The following ADAM23 variants were observed in gnomAD, a reference collection of about 807,000 sequenced individuals.
ADAM23 encodes the protein ADAM metallopeptidase domain 23.
A neutral mutation model predicts 120.1 loss-of-function variants in ADAM23; 33 were observed. The observed-to-expected ratio is 0.27, with a 90% CI of 0.21 to 0.37. The LOEUF (loss-of-function observed/expected upper bound fraction) is 0.37. Ranked by LOEUF, ADAM23 falls within the 10% of genes least tolerant of loss-of-function variation. The pLI is 1.00. For missense variants in ADAM23, 862 were observed against 1,058.2 expected (o/e 0.81, Z 2.57); for synonymous variants, 367 against 375.2 (o/e 0.98, Z 0.25).
intron 21 of ADAM23, 80 bp from the exon 22 acceptor site, chr2:206,592,537 T>G: frequency 4.0e-6 from 6 of 1,502,116 alleles, no homozygotes; most frequent in Non-Finnish European, 5.4e-6. Flanking sequence ...AAAATTTGAA[T>G]CAATGTGGAC....
intron 2 of ADAM23, among the ~76,000 whole-genome samples, chr2:206,448,904 C>T (rs1023831586): frequency 6.6e-6 from 1 of 152,178 alleles, no homozygotes; most frequent in African/African-American, 2.4e-5. Context: ...CTGTGAACCG[C>T]TCTAGCAAAT....
At chr2:206,575,180 C>A (rs1220046619) in intron 18 of ADAM23, among the ~76,000 whole-genome samples, 1 of 152,204 alleles carries the variant, frequency 6.6e-6, no homozygotes, top group East Asian at 1.9e-4. Flanking sequence ...AGAAGCTTAA[C>A]TTCTCCATGA....
chr2:206,604,438 T>C (rs1698695300), intron 24 of ADAM23, among the ~76,000 whole-genome samples: 1 of 152,108 alleles, frequency 6.6e-6, no homozygotes, highest in African/African-American at 2.4e-5. Context: ...TCAGGTGGTT[T>C]TGAGTTCTAA....
chr2:206,517,097 G>T (rs953392047), intron 3 of ADAM23, among the ~76,000 whole-genome samples: 1 of 152,134 alleles, frequency 6.6e-6, no homozygotes, highest in African/African-American at 2.4e-5. Context: ...ACACACGTAT[G>T]CACTTTCTTT....
At chr2:206,596,751 C>G (rs1200383909) in intron 24 of ADAM23, among the ~76,000 whole-genome samples, 1 of 152,148 alleles carries the variant, frequency 6.6e-6, no homozygotes, top group African/African-American at 2.4e-5. Context: ...TAGGACCACT[C>G]TCTATTTTCG....
chr2:206,561,484 T>C (rs1697764343), intron 12 of ADAM23, among the ~76,000 whole-genome samples: 1 of 152,214 alleles, frequency 6.6e-6, no homozygotes, highest in Admixed American at 6.5e-5. Context: ...GATGTTAAGC[T>C]TTTATAAGCT....
At chr2:206,599,310 A>G (rs1285953539) in intron 24 of ADAM23, among the ~76,000 whole-genome samples, 4 of 151,690 alleles carry the variant, frequency 2.6e-5, no homozygotes, top group South Asian at 2.1e-4. Flanking sequence ...AAAGTTATCT[A>G]TTGGTTCTAA....
At chr2:206,564,026 G>A (rs765672984) in intron 13 of ADAM23, among the ~76,000 whole-genome samples, 3 of 151,908 alleles carry the variant, frequency 2.0e-5, no homozygotes, top group Non-Finnish European at 4.4e-5. Flanking sequence ...CACTGCGCCC[G>A]GCCTAAAATT....
At chr2:206,564,746 C>T (rs1450037785) in intron 13 of ADAM23, among the ~76,000 whole-genome samples, 1 of 152,136 alleles carries the variant, frequency 6.6e-6, no homozygotes, top group African/African-American at 2.4e-5. Flanking sequence ...AACTAGGAAC[C>T]AAATTGAGTT....
chr2:206,477,922 A>ATATATATATATATATAT (rs1491552690), intron 2 of ADAM23, among the ~76,000 whole-genome samples: 5 of 137,084 alleles, frequency 3.6e-5, no homozygotes, highest in African/African-American at 5.5e-5. Context: ...ATATATATAT[A>ATATATATATATATATAT]AAACAACAAT....
intron 3 of ADAM23, among the ~76,000 whole-genome samples, chr2:206,525,709 A>T (rs1363438376): frequency 2.0e-5 from 3 of 151,996 alleles, no homozygotes; most frequent in Admixed American, 6.6e-5. Context: ...CTCCTGCCTC[A>T]GCCTCCTGAG....
chr2:206,481,984 T>C, intron 3 of ADAM23, among the ~76,000 whole-genome samples: 1 of 152,216 alleles, frequency 6.6e-6, no homozygotes. Flanking sequence ...AGATTTTCTA[T>C]GTGGTTTTCT....
chr2:206,589,886 A>T (rs1172824297), intron 21 of ADAM23, among the ~76,000 whole-genome samples: 3 of 152,180 alleles, frequency 2.0e-5, no homozygotes, highest in African/African-American at 7.2e-5. Context: ...TTAAATGCAA[A>T]CTATATAGAC....
intron 4 of ADAM23, among the ~76,000 whole-genome samples, chr2:206,540,646 A>G (rs1182092325): frequency 6.6e-6 from 1 of 152,128 alleles, no homozygotes; most frequent in Non-Finnish European, 1.5e-5. Flanking sequence ...TGAGCTTTTC[A>G]TGCTCTGCTA....
chr2:206,497,883 T>C (rs1398966132), intron 3 of ADAM23, among the ~76,000 whole-genome samples: 2 of 152,122 alleles, frequency 1.3e-5, no homozygotes, highest in Non-Finnish European at 2.9e-5. Flanking sequence ...AGCCAAATCA[T>C]GAGTGAACTC....
At chr2:206,450,754 G>A (rs1197745635) in intron 2 of ADAM23, among the ~76,000 whole-genome samples, 1 of 152,164 alleles carries the variant, frequency 6.6e-6, no homozygotes, top group Non-Finnish European at 1.5e-5. Flanking sequence ...TATTTTTATG[G>A]TGGAGCAAGA....
At chr2:206,537,581 C>T (rs1189741870) in intron 4 of ADAM23, among the ~76,000 whole-genome samples, 2 of 152,076 alleles carry the variant, frequency 1.3e-5, no homozygotes, top group Non-Finnish European at 2.9e-5. Context: ...CTCATTCCCT[C>T]TTCTTTTAGT....
rs369077180 is a variant in ADAM23, at chr2:206,598,296, C to T, written c.2359+2134C>T. ...ATGAGCAGAGCTAAATTTACTTAGA[C>T]TCTGCCTTTTTTTCTTTAAGTAGAG... is the stretch of plus-strand genomic sequence containing the variant. On this transcript the variant is annotated intron_variant, in intron 24 of 25. Coordinates refer to ENST00000264377, the MANE Select transcript of ADAM23 (RefSeq NM_003812.4). 3.4e-4 allele frequency among the ~76,000 whole-genome samples: 51 copies of T among 152,098 alleles called. 3 individuals carry two copies. The highest frequency in any genetic ancestry group is 3.1e-3 in the East Asian group (16 of 5,178).
intron 2 of ADAM23, among the ~76,000 whole-genome samples, chr2:206,450,457 C>T (rs774094331): frequency 1.3e-5 from 2 of 152,108 alleles, no homozygotes; most frequent in Non-Finnish European, 2.9e-5. Context: ...GATGATTGAA[C>T]ACTTATATGT....
Sources: gnomAD v4.1 joint callset for allele counts (sites outside exome capture counted in the v4.1 genomes callset) on GRCh38, gnomAD v4.1.1 for gene constraint, MANE v1.5 for transcripts, NCBI Gene and HGNC (gene_info 2026-07-23, HGNC 2026-07-21) for gene names.